WWOX: variants seen among roughly 807,000 people sequenced by gnomAD.
WWOX encodes WW domain containing oxidoreductase, also known as WW domain-containing oxidoreductase.
Under a neutral mutation model 46.2 loss-of-function variants are expected in WWOX, and 69 were observed. The ratio of observed to expected loss-of-function variants is 1.49; its 90% CI spans 1.23 to 1.82. The LOEUF (loss-of-function observed/expected upper bound fraction) is 1.82. Ranked by LOEUF, WWOX falls within the 40% of genes most tolerant of loss-of-function variation. The pLI, the probability that WWOX is intolerant of heterozygous loss-of-function variation, is 0.00. For missense variants in WWOX, 919 were observed against 542.6 expected, an observed-to-expected ratio of 1.69 and a Z score of -6.89; for synonymous variants, 359 against 202.6, an observed-to-expected ratio of 1.77 and a Z score of -6.56.
chr16:78,479,477 G>A (rs2084435748), intron 8 of WWOX, among the ~76,000 whole-genome samples: 1 of 152,270 alleles, frequency 6.6e-6, no homozygotes. Flanking sequence ...AGTAACTTTA[G>A]ATGCAAATAT....
At chr16:78,403,246 C>T (rs1413469979) in intron 6 of WWOX, among the ~76,000 whole-genome samples, 2 of 152,204 alleles carry the variant, frequency 1.3e-5, no homozygotes, top group Non-Finnish European at 1.5e-5. Flanking sequence ...TTCACCTCTG[C>T]CACCACCTAT....
At chr16:78,736,293 C>T (rs1167808208) in intron 8 of WWOX, among the ~76,000 whole-genome samples, 1 of 152,170 alleles carries the variant, frequency 6.6e-6, no homozygotes, top group Non-Finnish European at 1.5e-5. Flanking sequence ...AGGCTATCCT[C>T]ATGGGGACCT....
intron 8 of WWOX, among the ~76,000 whole-genome samples, chr16:78,985,360 G>T (rs898189830): frequency 6.6e-6 from 1 of 152,178 alleles, no homozygotes; most frequent in African/African-American, 2.4e-5. Context: ...TCTCCAATGT[G>T]CCTTGTCAAC....
intron 5 of WWOX, among the ~76,000 whole-genome samples, chr16:78,378,067 G>A (rs2081871135): frequency 1.3e-5 from 2 of 152,158 alleles, no homozygotes; most frequent in South Asian, 2.1e-4. Context: ...TGAAGGTTAG[G>A]AATGGCAAAC....
At chr16:79,099,250 C>T (rs1228012603) in intron 8 of WWOX, among the ~76,000 whole-genome samples, 1 of 152,196 alleles carries the variant, frequency 6.6e-6, no homozygotes, top group African/African-American at 2.4e-5. Flanking sequence ...CTGACATCTT[C>T]ACACAAGAGA....
At chr16:78,801,722 A>C (rs1332853184) in intron 8 of WWOX, among the ~76,000 whole-genome samples, 1 of 152,124 alleles carries the variant, frequency 6.6e-6, no homozygotes, top group African/African-American at 2.4e-5. Context: ...GTGCACCCCC[A>C]TCCTGCCATT....
intron 8 of WWOX, among the ~76,000 whole-genome samples, chr16:78,653,785 G>T (rs1225469072): frequency 6.6e-6 from 1 of 152,192 alleles, no homozygotes; most frequent in East Asian, 1.9e-4. Context: ...TGGTGCAAAA[G>T]GAATTGCAGT....
At chr16:78,476,918 T>G (rs963118898) in intron 8 of WWOX, among the ~76,000 whole-genome samples, 3 of 152,106 alleles carry the variant, frequency 2.0e-5, no homozygotes, top group African/African-American at 7.2e-5. Flanking sequence ...CTCCCCCTTC[T>G]CCTTTCCGTC....
At chr16:79,046,661 A>C (rs770400226) in intron 8 of WWOX, among the ~76,000 whole-genome samples, 1 of 152,146 alleles carries the variant, frequency 6.6e-6, no homozygotes, top group African/African-American at 2.4e-5. Flanking sequence ...CGGTGAGCAT[A>C]GCTTGGCTCA....
At chr16:78,314,008 C>T (rs555501821) in intron 5 of WWOX, among the ~76,000 whole-genome samples, 2 of 152,152 alleles carry the variant, frequency 1.3e-5, no homozygotes, top group Non-Finnish European at 2.9e-5. Flanking sequence ...TTCTAACAAG[C>T]TGCTTCATCT....
At chr16:79,186,218 G>A (rs891753127) in intron 8 of WWOX, among the ~76,000 whole-genome samples, 4 of 152,164 alleles carry the variant, frequency 2.6e-5, no homozygotes, top group African/African-American at 4.8e-5. Context: ...ATAATTCAGT[G>A]TGTGCTTCCC....
intron 8 of WWOX, among the ~76,000 whole-genome samples, chr16:78,743,099 G>T (rs565490195): frequency 6.6e-6 from 1 of 151,972 alleles, no homozygotes; most frequent in East Asian, 1.9e-4. Context: ...GGAAACATCC[G>T]TCTCTCTCCT....
At chr16:79,124,207 C>T (rs1288399751) in intron 8 of WWOX, among the ~76,000 whole-genome samples, 1 of 152,136 alleles carries the variant, frequency 6.6e-6, no homozygotes, top group Non-Finnish European at 1.5e-5. Context: ...CCAAACTCCA[C>T]AATCAGTAAT....
intron 8 of WWOX, among the ~76,000 whole-genome samples, chr16:79,169,712 G>C (rs1057480976): frequency 6.6e-6 from 1 of 152,182 alleles, no homozygotes; most frequent in Non-Finnish European, 1.5e-5. Flanking sequence ...TGCCAAATGG[G>C]TGGGTGGGCA....
At chr16:79,045,964 G>A (rs1038405910) in intron 8 of WWOX, among the ~76,000 whole-genome samples, 2 of 151,744 alleles carry the variant, frequency 1.3e-5, no homozygotes, top group Admixed American at 1.3e-4. Flanking sequence ...ACCATGGCTG[G>A]CTAATTTTTG....
intron 8 of WWOX, chr16:79,016,470 T>TGC (rs2047414953): frequency 6.6e-6 from 1 of 152,340 alleles, no homozygotes; most frequent in African/African-American, 2.4e-5. Context: ...TCGCCTGGGC[T>TGC]AGAGTGCAGT....
chr16:78,568,474 C>CTTTT (rs200073404), intron 8 of WWOX, among the ~76,000 whole-genome samples: 6 of 133,394 alleles, frequency 4.5e-5, no homozygotes, highest in Non-Finnish European at 8.0e-5. Context: ...AAGCTTCCAA[C>CTTTT]TTTTTTTTTT....
At chr16:79,198,241 G>A (rs2150823711) in intron 8 of WWOX, among the ~76,000 whole-genome samples, 1 of 152,288 alleles carries the variant, frequency 6.6e-6, no homozygotes, top group East Asian at 1.9e-4. Context: ...GGGAGGCTGA[G>A]GCAGGAGAAT....
intron 5 of WWOX, among the ~76,000 whole-genome samples, chr16:78,330,774 C>T (rs1162404487): frequency 1.3e-5 from 2 of 152,230 alleles, no homozygotes; most frequent in African/African-American, 4.8e-5. Context: ...CATCTCACTT[C>T]TTTCAGTCAC....
Sources: gnomAD v4.1 joint callset for allele counts (sites outside exome capture counted in the v4.1 genomes callset) on GRCh38, gnomAD v4.1.1 for gene constraint, MANE v1.5 for transcripts, NCBI Gene and HGNC (gene_info 2026-07-23, HGNC 2026-07-21) for gene names.